The following LAMA5 variants were observed in gnomAD, a reference collection of about 807,000 sequenced individuals.
LAMA5 encodes laminin subunit alpha 5, also known as laminin subunit alpha-5.
Under a neutral mutation model 433.4 loss-of-function variants are expected in LAMA5, and 260 were observed. The ratio of observed to expected loss-of-function variants is 0.60; its 90% confidence interval spans 0.54 to 0.66. The LOEUF is 0.66. Ranked by LOEUF, LAMA5 falls within the 30% of genes least tolerant of loss-of-function variation. LAMA5 has a pLI of 0.00. For missense variants in LAMA5, 5,378 were observed against 5,258.5 expected (o/e 1.02, Z -0.70); for synonymous variants, 2,620 against 2,226.6 (o/e 1.18, Z -4.97).
At chr20:62,311,137 C>CCA (rs763713740) in intron 73 of LAMA5, 25 bp downstream of exon 73, 1 of 1,565,088 alleles carries the variant, frequency 6.4e-7, no homozygotes, top group South Asian at 1.2e-5. Flanking sequence ...CCCTCTCAGC[C>CCA]CACCCCAGCC....
Position 62,320,904 on chromosome 20 carries a change from G to T in LAMA5, c.6497-14C>A. ...AGTGGTCACACACTGCAGGCGATGT[G>T]GGGTCACAGGTCAGTGTCATTGGGT... On this transcript the variant is annotated splice_polypyrimidine_tract_variant and intron_variant, in intron 48 of 79. Coordinates refer to ENST00000252999, the MANE Select transcript of LAMA5 (RefSeq NM_005560.6). 1 of 1,600,718 alleles carries T rather than the reference G, an allele frequency of 6.2e-7. No homozygotes were observed. The highest frequency in any genetic ancestry group is 8.5e-7 in the Non-Finnish European group (1 of 1,172,752).
At position 62,324,945 on chromosome 20, in the gene LAMA5, T is replaced by G; in HGVS notation, c.5529+371A>C. 1 of 378,486 alleles carries G rather than the reference T, an allele frequency of 2.6e-6. No homozygotes were observed. Among genetic ancestry groups the G allele is most frequent in the Non-Finnish European group, 4.9e-6 (1 of 203,626 alleles). The allele number at this position is 378,486 out of a possible 1,614,324, so 23.4% of individuals were successfully genotyped here. On this transcript the variant is annotated intron_variant, in intron 41 of 79. Coordinates refer to ENST00000252999, the MANE Select transcript of LAMA5 (RefSeq NM_005560.6). This position sits in a 1 kb window ranked among gnomAD's most constrained non-coding sequence, Gnocchi z 4.4. ...AGACAGACAGATTAGCAGGGCAGAT[T>G]AGCAGCTGGACAGACACACAGTGGG...
In LAMA5 at chr20:62,324,570, G is replaced by A. The variant is rs1215132065; in HGVS notation, c.5530-16C>T. On this transcript the variant is annotated splice_polypyrimidine_tract_variant and intron_variant, in intron 41 of 79. Transcript: ENST00000252999. This position sits in a 1 kb window ranked among gnomAD's most constrained non-coding sequence, Gnocchi z 4.4. ...GGGCACATTCCTGAGGGTGTACGGG[G>A]GCAGGTGGCATCAGCGATTGAGAGG... 3 of 1,579,402 alleles carry A rather than the reference G, an allele frequency of 1.9e-6. No individual in the cohort carries two copies. Among genetic ancestry groups the A allele is most frequent in the Non-Finnish European group, 2.6e-6 (3 of 1,152,942 alleles).
rs1267503597 is a variant in LAMA5, at chr20:62,324,159, C to A, written c.5689G>T (p.Ala1897Ser). 6 of 1,561,920 alleles carry A rather than the reference C, an allele frequency of 3.8e-6. No individual in the cohort carries two copies. Among genetic ancestry groups the A allele is most frequent in the African/African-American group, 2.8e-5 (2 of 71,348 alleles). ...TCGTCCCTGCTGCTCACGAAGCCAG[C>A]CTGGCAGCGCTCACAGTGGGCCCCT... ...TEGAHCERCQ[A>S]GFVSSRDDPS... The change falls in exon 43 of 80, where the codon GCT (alanine) becomes TCT (serine). Residue 1897 changes from alanine to serine, a missense_variant. Transcript: ENST00000252999. This position sits in a 1 kb window ranked among gnomAD's most constrained non-coding sequence, Gnocchi z 4.4.
Position 62,328,853 on chromosome 20 carries a change from T to A in LAMA5, c.4438A>T (p.Asn1480Tyr). 1 of 1,610,816 alleles carries A rather than the reference T, an allele frequency of 6.2e-7. No homozygotes were observed. The highest frequency in any genetic ancestry group is 1.7e-4 in the Middle Eastern group (1 of 6,034). The change falls in exon 34 of 80, where the codon AAC becomes TAC. Residue 1480 changes from asparagine to tyrosine, a missense_variant. Physicochemically the swap from Asn to Tyr is moderately radical, Grantham distance 143 (BLOSUM62 -2). Transcript: ENST00000252999. Reference sequence around the variant, plus strand: ...GGACTGGGGTACTCACGCCTGCAGTTGGGGAAGCCCCAGTATCCGGTGGCA... The same window carrying A: ...GGACTGGGGTACTCACGCCTGCAGTAGGGGAAGCCCCAGTATCCGGTGGCA... ...RCATGYWGFP[N>Y]CRPCDCGARL...
At chr20:62,328,157 G>A (rs1245297192) in intron 35 of LAMA5, 84 bp downstream of exon 35, 1 of 1,510,148 alleles carries the variant, frequency 6.6e-7, no homozygotes, top group South Asian at 1.3e-5. Context: ...ATGGGAGCAG[G>A]GTGGGTGCCA....
intron 2 of LAMA5, among the ~76,000 whole-genome samples, chr20:62,357,797 G>A (rs1985464681): frequency 6.6e-6 from 1 of 152,230 alleles, no homozygotes; most frequent in South Asian, 2.1e-4. Context: ...TCCCCAGCTG[G>A]AGGGAGAGGA....
chr20:62,321,978 T>A, intron 48 of LAMA5, 41 bp downstream of exon 48: 2 of 1,578,116 alleles, frequency 1.3e-6, no homozygotes, highest in Non-Finnish European at 1.7e-6. Context: ...CTTGGATTCC[T>A]ACTCCATCAG....
chr20:62,351,652 G>T, intron 6 of LAMA5, 52 bp downstream of exon 6: 1 of 1,560,390 alleles, frequency 6.4e-7, no homozygotes, highest in Non-Finnish European at 8.7e-7. Flanking sequence ...GGACAGGCAG[G>T]GAGCTGGGGG....
intron 51 of LAMA5, 112 bp from the exon 52 acceptor site, chr20:62,319,125 C>G (rs557556133): frequency 4.1e-6 from 5 of 1,210,594 alleles, no homozygotes; most frequent in Non-Finnish European, 5.6e-6. Context: ...GCCAGGGGCC[C>G]GGAACCTGAG....
rs1986594495 is a variant in LAMA5 at position 62,313,820 on chromosome 20, G to C, written c.8505-18C>G. ...GGAGAGTCCTGAGGGCAGAGGCGAG[G>C]GGTGGCGAGTGGGCACGGAGAGATG... On this transcript the variant is annotated intron_variant, in intron 62 of 79. Transcript: ENST00000252999. The C allele has an allele frequency of 1.2e-6, 2 of 1,611,168 alleles. No homozygotes were observed. Among genetic ancestry groups the C allele is most frequent in the Non-Finnish European group, 1.7e-6 (2 of 1,179,264 alleles).
chr20:62,353,413 C>T (rs1467572081), intron 2 of LAMA5, 162 bp from the exon 3 acceptor site: 3 of 554,974 alleles, frequency 5.4e-6, no homozygotes, highest in Non-Finnish European at 9.5e-6. Flanking sequence ...GGCAGACGAA[C>T]CCAGGGGAGA....
chr20:62,362,576 G>C, intron 1 of LAMA5, 24 bp from the exon 2 acceptor site: 1 of 1,497,704 alleles, frequency 6.7e-7, no homozygotes, highest in African/African-American at 1.4e-5. Flanking sequence ...GGGAGGGTCA[G>C]ATAGCCGAGA....
At chr20:62,339,495 CA>C (rs1165324123) in intron 11 of LAMA5, among the ~76,000 whole-genome samples, 1 of 152,136 alleles carries the variant, frequency 6.6e-6, no homozygotes, top group African/African-American at 2.4e-5. Flanking sequence ...CTCGGCCTCC[CA>C]AAGTGCTGGG....
At chr20:62,333,774 A>G in intron 23 of LAMA5, 68 bp from the exon 24 acceptor site, 1 of 1,281,808 alleles carries the variant, frequency 7.8e-7, no homozygotes, top group Non-Finnish European at 1.0e-6. Flanking sequence ...CACCCCCTAC[A>G]GGGTTGGGGA....
rs774820251 is a variant in LAMA5, at chr20:62,345,822, A to T, written c.1473T>A (p.Ile491=). ...GGGGGCCTCAAGGACACTTACTCACAATCTGGCCGGCTGGCAGCACCTGCT... is the reference window on the plus strand; with the variant it reads ...GGGGGCCTCAAGGACACTTACTCACTATCTGGCCGGCTGGCAGCACCTGCT... ...TREQVLPAGQ[I]VNCDCSAAGT... The change falls in exon 11 of 80, where the codon ATT becomes ATA. Residue 491 remains isoleucine, a synonymous_variant. Coordinates refer to ENST00000252999, the MANE Select transcript of LAMA5 (RefSeq NM_005560.6). The T allele has an allele frequency of 1.3e-6, 2 of 1,550,962 alleles. No homozygotes were observed. Among genetic ancestry groups the T allele is most frequent in the Admixed American group, 3.9e-5 (2 of 51,000 alleles).
chr20:62,358,177 G>A (rs1200284561), intron 2 of LAMA5, among the ~76,000 whole-genome samples: 1 of 150,608 alleles, frequency 6.6e-6, no homozygotes, highest in African/African-American at 2.4e-5. Flanking sequence ...GGCAAGCATG[G>A]CGCGGGGGTG....
Position 62,320,588 on chromosome 20 carries a change from C to A in LAMA5, c.6730G>T (p.Gly2244Trp), listed in dbSNP as rs566213796. The A allele has an allele frequency of 6.2e-7, 1 of 1,603,830 alleles. No individual in the cohort carries two copies. The highest frequency in any genetic ancestry group is 1.7e-5 in the Admixed American group (1 of 59,474). ...CCGCCTAGCCGCCGTGCGTCCTGCC[C>A]GAGGCTTGTGCTCTGCTGCTCCAGC... The part of the protein sequence containing the change: ...EVLEQQSTSL[G>W]QDARRLGGQA... The change falls in exon 50 of 80, where the codon GGG (glycine) becomes TGG (tryptophan). Residue 2244 changes from glycine to tryptophan, a missense_variant. Gly to Trp is a radical substitution (Grantham distance 184). Transcript: ENST00000252999.
chr20:62,344,420 G>A (rs1983048304), intron 11 of LAMA5, among the ~76,000 whole-genome samples: 2 of 152,092 alleles, frequency 1.3e-5, no homozygotes, highest in East Asian at 3.9e-4. Context: ...CAGGTGCCAT[G>A]CTGCTCTGTG....
Sources: gnomAD v4.1 joint callset for allele counts (sites outside exome capture counted in the v4.1 genomes callset) on GRCh38, gnomAD v4.1.1 for gene constraint, Gnocchi (gnomAD v3.1) non-coding constraint, MANE v1.5 for transcripts, NCBI Gene and HGNC (gene_info 2026-07-23, HGNC 2026-07-21) for gene names.